The following NEBL variants were observed in gnomAD, a reference collection of about 807,000 sequenced individuals.
The protein encoded by NEBL is nebulette, also known as LIM and SH3 protein 2.
A neutral mutation model predicts 140.2 loss-of-function variants in NEBL; 122 were observed. The ratio of observed to expected loss-of-function variants is 0.87; its 90% CI spans 0.75 to 1.01. NEBL has a LOEUF of 1.01. NEBL is among the 50% of genes least tolerant of loss of function. The pLI is 0.00. For synonymous variants in NEBL, 436 were observed against 398.9 expected (o/e 1.09, Z -1.11); for missense variants, 1,365 against 1,231.3 (o/e 1.11, Z -1.62).
At chr10:20,969,603 T>C (rs1032216504) in intron 3 of NEBL, among the ~76,000 whole-genome samples, 1 of 149,276 alleles carries the variant, frequency 6.7e-6, no homozygotes, top group African/African-American at 2.5e-5. Context: ...TGGAGTGCAG[T>C]GGCACAATCT....
chr10:21,161,752 G>A (rs1272281145), intron 2 of NEBL, among the ~76,000 whole-genome samples: 2 of 152,270 alleles, frequency 1.3e-5, no homozygotes, highest in African/African-American at 4.8e-5. Context: ...AGGATGTAAA[G>A]AGGCAACCCA....
chr10:20,858,405 T>A, intron 8 of NEBL, 61 bp from the exon 9 acceptor site: 1 of 1,349,912 alleles, frequency 7.4e-7, no homozygotes, highest in South Asian at 1.2e-5. Context: ...GCTTTTGCAT[T>A]ATTGCATTTT....
intron 4 of NEBL, among the ~76,000 whole-genome samples, chr10:20,957,209 A>C (rs1225152644): frequency 6.6e-6 from 1 of 150,676 alleles, no homozygotes; most frequent in Non-Finnish European, 1.5e-5. Context: ...GTTGAAGCTA[A>C]CTCACAAAAT....
At chr10:21,156,704 A>T (rs933524275) in intron 2 of NEBL, among the ~76,000 whole-genome samples, 1 of 152,162 alleles carries the variant, frequency 6.6e-6, no homozygotes, top group African/African-American at 2.4e-5. Flanking sequence ...TGCTTAATAA[A>T]ATAATAAAAG....
chr10:21,009,190 A>G (rs72790555), intron 3 of NEBL, among the ~76,000 whole-genome samples: 354 of 152,312 alleles, frequency 2.3e-3, no homozygotes, highest in Non-Finnish European at 3.7e-3. Flanking sequence ...ATCAGTATTG[A>G]GGCTCTATGA....
At chr10:20,860,081 A>G (rs769680114) in intron 7 of NEBL, among the ~76,000 whole-genome samples, 1 of 152,150 alleles carries the variant, frequency 6.6e-6, no homozygotes, top group Non-Finnish European at 1.5e-5. Context: ...GCACTAAAAT[A>G]CCAACATTTT....
intron 10 of NEBL, among the ~76,000 whole-genome samples, chr10:20,851,234 A>C (rs1411860919): frequency 6.6e-6 from 1 of 152,164 alleles, no homozygotes; most frequent in Non-Finnish European, 1.5e-5. Context: ...ACTTCATTTC[A>C]TTCAGAAATG....
chr10:20,844,892 T>C (rs2131003278), intron 12 of NEBL, among the ~76,000 whole-genome samples: 1 of 152,166 alleles, frequency 6.6e-6, no homozygotes, highest in Middle Eastern at 3.4e-3. Context: ...GTTTTTATAA[T>C]AACTAAATTT....
At chr10:20,858,168 A>T in intron 9 of NEBL, 72 bp downstream of exon 9, 1 of 1,199,764 alleles carries the variant, frequency 8.3e-7, no homozygotes. Flanking sequence ...AGGTGAGCAC[A>T]TGAACGCTGC....
chr10:21,105,989 T>A (rs1305575555), intron 2 of NEBL, among the ~76,000 whole-genome samples: 1 of 152,046 alleles, frequency 6.6e-6, no homozygotes, highest in Non-Finnish European at 1.5e-5. Context: ...TGTCTTCTTC[T>A]GAGAGGTGTC....
chr10:20,889,273 C>A (rs1278844387), intron 3 of NEBL, among the ~76,000 whole-genome samples: 1 of 152,146 alleles, frequency 6.6e-6, no homozygotes, highest in African/African-American at 2.4e-5. Context: ...AACTGTAGTT[C>A]TAAATGCTCT....
intron 3 of NEBL, among the ~76,000 whole-genome samples, chr10:21,018,837 G>A (rs910300656): frequency 3.9e-5 from 6 of 152,160 alleles, no homozygotes; most frequent in African/African-American, 1.4e-4. Context: ...AGACCAGCCT[G>A]ACCAAGATGG....
intron 2 of NEBL, among the ~76,000 whole-genome samples, chr10:21,149,139 C>G (rs560899358): frequency 6.6e-6 from 1 of 152,216 alleles, no homozygotes; most frequent in Non-Finnish European, 1.5e-5. Flanking sequence ...CACACCTATC[C>G]GGTGAAGCGT....
chr10:21,236,999 T>C (rs73609241), intron 3 of NEBL, among the ~76,000 whole-genome samples: 1,795 of 152,214 alleles, frequency 0.012, 32 homozygotes, highest in African/African-American at 0.04. Context: ...TTCAGTAGAG[T>C]TGGGATTTAA....
chr10:21,242,954 C>T (rs1842459995), intron 3 of NEBL, among the ~76,000 whole-genome samples: 2 of 152,138 alleles, frequency 1.3e-5, no homozygotes, highest in African/African-American at 4.8e-5. Context: ...CTTGGGAAAT[C>T]AGGCAGTCTC....
At chr10:21,206,499 G>C (rs990994681) in intron 3 of NEBL, among the ~76,000 whole-genome samples, 3 of 152,172 alleles carry the variant, frequency 2.0e-5, no homozygotes, top group African/African-American at 4.8e-5. Flanking sequence ...TCTAACCAGG[G>C]GGGTAGAAAC....
chr10:20,854,926 TA>T (rs1842905543), intron 9 of NEBL, among the ~76,000 whole-genome samples: 1 of 152,036 alleles, frequency 6.6e-6, no homozygotes, highest in Non-Finnish European at 1.5e-5. Flanking sequence ...AATGTTTTTT[TA>T]AAAAAGCCTT....
intron 3 of NEBL, among the ~76,000 whole-genome samples, chr10:21,241,118 C>G (rs1207002358): frequency 6.6e-6 from 1 of 151,988 alleles, no homozygotes; most frequent in East Asian, 1.9e-4. Flanking sequence ...GTTTCACTAC[C>G]CTTTCACGTG....
intron 4 of NEBL, among the ~76,000 whole-genome samples, chr10:20,927,260 A>C (rs1386021021): frequency 6.6e-6 from 1 of 152,248 alleles, no homozygotes; most frequent in Non-Finnish European, 1.5e-5. Context: ...ATCATAGCCG[A>C]CTATGAACTT....
Sources: gnomAD v4.1 joint callset for allele counts (sites outside exome capture counted in the v4.1 genomes callset) on GRCh38, gnomAD v4.1.1 for gene constraint, MANE v1.5 for transcripts, NCBI Gene and HGNC (gene_info 2026-07-23, HGNC 2026-07-21) for gene names.